The following PTPRD variants were observed in gnomAD, a reference collection of about 807,000 sequenced individuals.
PTPRD encodes the protein receptor-type tyrosine-protein phosphatase delta.
PTPRD carries 34 observed loss-of-function variants against 214.5 expected under a neutral mutation model. That is an observed-to-expected ratio of 0.16 (90% CI 0.12 to 0.21). The LOEUF (loss-of-function observed/expected upper bound fraction) is 0.21. Ranked by LOEUF, PTPRD falls within the 10% of genes least tolerant of loss-of-function variation. The pLI is 1.00. For synonymous variants in PTPRD, 1,128 were observed against 845.7 expected (o/e 1.33, Z -5.79); for missense variants, 2,545 against 2,398.7 (o/e 1.06, Z -1.27).
chr9:10,097,364 C>A (rs2098501707), intron 3 of PTPRD, among the ~76,000 whole-genome samples: 1 of 135,448 alleles, frequency 7.4e-6, no homozygotes, highest in Non-Finnish European at 1.6e-5. Flanking sequence ...TTCTTCCTAC[C>A]CATGAGCATG....
chr9:9,340,910 A>G (rs1464860054), intron 9 of PTPRD, among the ~76,000 whole-genome samples: 1 of 152,170 alleles, frequency 6.6e-6, no homozygotes, highest in African/African-American at 2.4e-5. Context: ...AGTGAAGAAA[A>G]CAGTGATAGT....
chr9:9,316,090 C>T (rs914756611), intron 9 of PTPRD, among the ~76,000 whole-genome samples: 2 of 151,700 alleles, frequency 1.3e-5, no homozygotes, highest in African/African-American at 4.9e-5. Context: ...TACATATTGA[C>T]AGTCAATTAG....
chr9:10,411,171 A>C (rs1197290718), intron 2 of PTPRD, among the ~76,000 whole-genome samples: 1 of 151,800 alleles, frequency 6.6e-6, no homozygotes, highest in Non-Finnish European at 1.5e-5. Context: ...TAAAATTCTA[A>C]GTGAACTTCT....
chr9:10,148,880 GAT>G (rs1274022852), intron 3 of PTPRD, among the ~76,000 whole-genome samples: 1 of 152,092 alleles, frequency 6.6e-6, no homozygotes, highest in Admixed American at 6.6e-5. Flanking sequence ...TTTTTTATTG[GAT>G]ATAGACATTT....
chr9:9,797,219 C>A (rs2099008220), intron 5 of PTPRD, among the ~76,000 whole-genome samples: 1 of 143,794 alleles, frequency 7.0e-6, no homozygotes, highest in African/African-American at 2.6e-5. Flanking sequence ...AATAGTAATA[C>A]CCTAGGTAGC....
intron 31 of PTPRD, 132 bp from the exon 32 acceptor site, chr9:8,465,807 T>A: frequency 1.5e-6 from 1 of 682,088 alleles, no homozygotes; most frequent in Non-Finnish European, 2.4e-6. Flanking sequence ...ATATAGCACA[T>A]CAGCATCACT....
At chr9:8,944,755 T>G (rs1446475657) in intron 11 of PTPRD, among the ~76,000 whole-genome samples, 1 of 151,916 alleles carries the variant, frequency 6.6e-6, no homozygotes, top group Non-Finnish European at 1.5e-5. Context: ...GGAAGAATAG[T>G]GGGGTTGGGG....
chr9:9,022,161 TA>T (rs56120804), intron 10 of PTPRD, among the ~76,000 whole-genome samples: 5 of 143,318 alleles, frequency 3.5e-5, no homozygotes, highest in African/African-American at 1.0e-4. Context: ...ATAAAAGATG[TA>T]AAAAAAAATG....
chr9:8,864,579 T>A (rs1334529530), intron 11 of PTPRD, among the ~76,000 whole-genome samples: 1 of 152,224 alleles, frequency 6.6e-6, no homozygotes, highest in Non-Finnish European at 1.5e-5. Context: ...AGGTTCTTTC[T>A]AACAGGGTTT....
At chr9:9,849,476 T>C (rs2060143939) in intron 5 of PTPRD, among the ~76,000 whole-genome samples, 1 of 152,156 alleles carries the variant, frequency 6.6e-6, no homozygotes, top group Non-Finnish European at 1.5e-5. Context: ...TATTACTATA[T>C]TCTTAAATTT....
chr9:9,698,677 T>C (rs981963920), intron 7 of PTPRD, among the ~76,000 whole-genome samples: 1 of 152,158 alleles, frequency 6.6e-6, no homozygotes, highest in Non-Finnish European at 1.5e-5. Flanking sequence ...ATGCTTCCTA[T>C]GGGTTGAGGC....
intron 14 of PTPRD, among the ~76,000 whole-genome samples, chr9:8,560,583 G>A (rs1564351751): frequency 6.6e-6 from 1 of 152,100 alleles, no homozygotes; most frequent in East Asian, 1.9e-4. Context: ...TAACCCTGCA[G>A]AGGAGCTGAA....
chr9:10,528,971 A>T (rs74830790), intron 2 of PTPRD, among the ~76,000 whole-genome samples: 1 of 152,146 alleles, frequency 6.6e-6, no homozygotes, highest in East Asian at 1.9e-4. Flanking sequence ...TTTTTTAATT[A>T]AGAAAAATAG....
At position 8,836,312 on chromosome 9, in the gene PTPRD, A is replaced by G. The variant is rs143483809; in HGVS notation, c.-103-102366T>C. Among the ~76,000 whole-genome samples the G allele has an allele frequency of 4.7e-3, 720 of 152,298 alleles. 13 individuals are homozygous for G. Among genetic ancestry groups the G allele is most frequent in the Non-Finnish European group, 6.5e-3 (441 of 68,024 alleles). ...CAAAGCAAACTACAAGATATGCTCTATTTCACAAAGAAAGAGAGCCCTTGG... is the reference window on the plus strand; with the variant it reads ...CAAAGCAAACTACAAGATATGCTCTGTTTCACAAAGAAAGAGAGCCCTTGG... On this transcript the variant is annotated intron_variant, in intron 11 of 45. Coordinates refer to ENST00000381196, the MANE Select transcript of PTPRD (RefSeq NM_002839.4).
chr9:8,791,179 G>C (rs555761087), intron 11 of PTPRD, among the ~76,000 whole-genome samples: 1 of 152,246 alleles, frequency 6.6e-6, no homozygotes, highest in East Asian at 1.9e-4. Flanking sequence ...CAGTGACAAA[G>C]GATGTAGAAA....
At chr9:9,347,760 A>T (rs2049425429) in intron 9 of PTPRD, among the ~76,000 whole-genome samples, 1 of 152,162 alleles carries the variant, frequency 6.6e-6, no homozygotes, top group Non-Finnish European at 1.5e-5. Context: ...ATGAATTTCA[A>T]CACTGAAGCA....
chr9:8,894,609 C>T (rs184908646), intron 11 of PTPRD, among the ~76,000 whole-genome samples: 2 of 152,150 alleles, frequency 1.3e-5, no homozygotes, highest in East Asian at 1.9e-4. Context: ...TTTGGTTGCA[C>T]AGGTGTTTTC....
At chr9:10,153,792 C>A (rs1190160780) in intron 3 of PTPRD, among the ~76,000 whole-genome samples, 1 of 151,940 alleles carries the variant, frequency 6.6e-6, no homozygotes, top group African/African-American at 2.4e-5. Context: ...ATTTGGTTTT[C>A]TGTTCCTGCA....
intron 2 of PTPRD, among the ~76,000 whole-genome samples, chr9:10,363,991 G>GTTTTTGTTTTTTTTTTTT (rs1555222212): frequency 8.5e-5 from 3 of 35,132 alleles, no homozygotes; most frequent in African/African-American, 1.2e-4. Context: ...ACATTTTCGG[G>GTTTTTGTTTTTTTTTTTT]TTTTTTTTTT....
Sources: allele counts gnomAD v4.1 joint callset (sites outside exome capture counted in the v4.1 genomes callset), GRCh38; gene constraint gnomAD v4.1.1; transcripts MANE v1.5; gene names NCBI Gene and HGNC (gene_info 2026-07-23, HGNC 2026-07-21).